Variants in SRP68 observed in about 807,000 individuals in gnomAD.
The protein encoded by SRP68 is signal recognition particle 68.
A neutral mutation model predicts 82.2 loss-of-function variants in SRP68; 15 were observed. That is an observed-to-expected ratio of 0.18 (90% CI 0.12 to 0.28). The LOEUF (loss-of-function observed/expected upper bound fraction) is 0.28, where lower values mean the gene tolerates loss of function less well. Ranked by LOEUF, SRP68 falls within the 10% of genes least tolerant of loss-of-function variation. SRP68 has a pLI of 1.00. For missense variants in SRP68, 595 were observed against 780.5 expected (o/e 0.76, Z 2.83); for synonymous variants, 261 against 292.6 (o/e 0.89, Z 1.10).
At position 76,061,006 on chromosome 17, in the gene SRP68, G is replaced by A. The variant is rs540248679; in HGVS notation, c.754+104C>T. 39 of 765,796 alleles carry A rather than the reference G, an allele frequency of 5.1e-5. No homozygotes were observed. In the African/African-American group the frequency reaches 5.7e-4, roughly 11 times the overall value. 47.4% of individuals were successfully genotyped at this position (765,796 alleles called of 1,614,324 possible). Reference sequence around the variant, plus strand: ...ACTCAGGTCAATGATGGAGGCAAGCGAAGAAGAAAGTTACATCAACTCTCT... The same window carrying A: ...ACTCAGGTCAATGATGGAGGCAAGCAAAGAAGAAAGTTACATCAACTCTCT... On this transcript the variant is annotated intron_variant, in intron 6 of 15. Transcript: ENST00000307877.
At chr17:76,040,723 G>C (rs2066583277) in intron 14 of SRP68, 180 bp downstream of exon 14, 4 of 672,826 alleles carry the variant, frequency 5.9e-6, no homozygotes, top group Non-Finnish European at 1.0e-5. Flanking sequence ...CAGTGTAACA[G>C]TGCACTCGAA....
chr17:76,053,053 G>C (rs1381963279), intron 8 of SRP68, among the ~76,000 whole-genome samples: 4 of 151,950 alleles, frequency 2.6e-5, no homozygotes, highest in South Asian at 4.2e-4. Context: ...CTTGAGTCCA[G>C]GAGTTTGAGA....
At chr17:76,058,473 G>C (rs958981168) in intron 7 of SRP68, among the ~76,000 whole-genome samples, 3 of 151,722 alleles carry the variant, frequency 2.0e-5, no homozygotes, top group Non-Finnish European at 4.4e-5. Context: ...TGCCCCGGCT[G>C]GTCTTGAACT....
chr17:76,061,273 T>G, intron 5 of SRP68, 54 bp from the exon 6 acceptor site: 1 of 1,281,744 alleles, frequency 7.8e-7, no homozygotes, highest in Non-Finnish European at 1.1e-6. Flanking sequence ...GAAAAACTCA[T>G]GGGGAACACA....
chr17:76,046,480 A>AC (rs35311058), intron 10 of SRP68, among the ~76,000 whole-genome samples: 75,506 of 146,444 alleles, frequency 0.52, 21,679 homozygotes, highest in African/African-American at 0.77. Context: ...AAAAAAAAAA[A>AC]AAAACAAAAA....
intron 4 of SRP68, among the ~76,000 whole-genome samples, chr17:76,062,501 A>ATATATATAATATACAT (rs1567934597): frequency 3.1e-5 from 3 of 95,424 alleles, no homozygotes; most frequent in African/African-American, 1.5e-4. Flanking sequence ...TATATATAAT[A>ATATATATAATATACAT]TATATATAAT....
intron 8 of SRP68, among the ~76,000 whole-genome samples, chr17:76,055,509 A>C (rs2066706719): frequency 6.6e-6 from 1 of 151,726 alleles, no homozygotes; most frequent in Non-Finnish European, 1.5e-5. Context: ...TAATTCCAGC[A>C]CTTTGGGAGG....
In SRP68 at chr17:76,048,040, T is replaced by C. The variant is rs187557956; in HGVS notation, c.1078-70A>G. 1.3e-4 allele frequency: 136 copies of C among 1,051,220 alleles called. 1 individual carries two copies. In the East Asian group the frequency reaches 3.5e-3, roughly 27 times the overall value. 65.1% of individuals were successfully genotyped at this position (1,051,220 alleles called of 1,614,324 possible). A position where few individuals can be genotyped will look rare whatever the true frequency, so the allele number is the denominator to read the frequency against. On this transcript the variant is annotated intron_variant, in intron 9 of 15. Coordinates refer to ENST00000307877, the MANE Select transcript of SRP68 (RefSeq NM_014230.4). ...CCATCGCTCTGACCACCTCATGGAATGGTGGGGTCTCCAAAGTGCCCTGAA... is the reference window on the plus strand; with the variant it reads ...CCATCGCTCTGACCACCTCATGGAACGGTGGGGTCTCCAAAGTGCCCTGAA...
chr17:76,044,212 G>T (rs2305345), intron 12 of SRP68, among the ~76,000 whole-genome samples: 32,311 of 152,118 alleles, frequency 0.21, 4,419 homozygotes, highest in South Asian at 0.44. Flanking sequence ...ACTCTGCAGA[G>T]GAGGAACAGT....
chr17:76,064,277 C>T lies in SRP68; in HGVS notation c.366-106G>A, dbSNP rs1413030195. ...TCGGCTTTTCTTTATACTCTCCCGC[C>T]TTTGCCACTCTCAAAACAACTCTTC... On this transcript the variant is annotated intron_variant, in intron 3 of 15. Transcript: ENST00000307877. 3.2e-6 allele frequency: 3 copies of T among 933,670 alleles called. No homozygotes were observed. The East Asian group carries it at 7.3e-5, about 23-fold the overall frequency. 57.8% of individuals were successfully genotyped at this position (933,670 alleles called of 1,614,324 possible). A position where few individuals can be genotyped will look rare whatever the true frequency, so the allele number is the denominator to read the frequency against.
At position 76,064,253 on chromosome 17, in the gene SRP68, C is replaced by T. The variant is rs545885715; in HGVS notation, c.366-82G>A. 150 of 1,307,938 alleles carry T rather than the reference C, an allele frequency of 1.1e-4. 1 individual carries two copies. Among genetic ancestry groups the T allele is most frequent in the South Asian group, 9.5e-4 (69 of 72,780 alleles). The allele number at this position is 1,307,938 out of a possible 1,614,324, so 81.0% of individuals were successfully genotyped here. Reference sequence around the variant, plus strand: ...CTCTGAGGTGTAATCTTCGGCTTCTCGGCTTTTCTTTATACTCTCCCGCCT... The same window carrying T: ...CTCTGAGGTGTAATCTTCGGCTTCTTGGCTTTTCTTTATACTCTCCCGCCT... On this transcript the variant is annotated intron_variant, in intron 3 of 15. Coordinates refer to ENST00000307877, the MANE Select transcript of SRP68 (RefSeq NM_014230.4).
Position 76,062,495 on chromosome 17 carries a change from T to C in SRP68, c.562-921A>G, listed in dbSNP as rs528709495. ...AACAAAGAATATGGAGATATATATA[T>C]ATAATATATATATAATATACATTAT... On this transcript the variant is annotated intron_variant, in intron 4 of 15. Transcript: ENST00000307877. Among the ~76,000 whole-genome samples, 123 of 99,084 alleles carry C rather than the reference T, an allele frequency of 1.2e-3. 1 individual carries two copies. The highest frequency in any genetic ancestry group is 3.9e-3 in the Admixed American group (25 of 6,488). 65.0% of individuals were successfully genotyped at this position (99,084 alleles called of 152,430 possible).
chr17:76,067,875 T>A (rs79340300), intron 2 of SRP68, among the ~76,000 whole-genome samples: 1 of 152,134 alleles, frequency 6.6e-6, no homozygotes, highest in South Asian at 2.1e-4. Flanking sequence ...CACATTAAAA[T>A]TGAGTAGAAT....
At chr17:76,040,178 G>A (rs1383975311) in intron 15 of SRP68, among the ~76,000 whole-genome samples, 3 of 152,202 alleles carry the variant, frequency 2.0e-5, no homozygotes, top group Non-Finnish European at 4.4e-5. Flanking sequence ...GCCATGTTAC[G>A]AGTTAGAGCT....
intron 7 of SRP68, among the ~76,000 whole-genome samples, chr17:76,059,868 G>A (rs1238266311): frequency 6.6e-6 from 1 of 151,286 alleles, no homozygotes; most frequent in Non-Finnish European, 1.5e-5. Flanking sequence ...GCTCATGCCT[G>A]TAATCCCAGC....
At chr17:76,062,557 C>A (rs1222250061) in intron 4 of SRP68, among the ~76,000 whole-genome samples, 2 of 51,984 alleles carry the variant, frequency 3.8e-5, no homozygotes, top group African/African-American at 2.2e-4. Flanking sequence ...ATATAATATA[C>A]ATTATATATT....
chr17:76,072,083 A>T lies in SRP68; in HGVS notation c.184+225T>A. 1 of 803,782 alleles carries T rather than the reference A, an allele frequency of 1.2e-6. No homozygotes were observed. The highest frequency in any genetic ancestry group is 1.9e-6 in the Non-Finnish European group (1 of 528,514). 49.8% of individuals were successfully genotyped at this position (803,782 alleles called of 1,614,324 possible). ...GAAACCTGCCTGATATCCCAGTGCC[A>T]CTGGAAGAAACGGACCTAGCCAGGA... On this transcript the variant is annotated intron_variant, in intron 1 of 15. Transcript: ENST00000307877. The surrounding 1 kb of genome is among the most constrained non-coding windows in gnomAD (Gnocchi z 4.5).
At chr17:76,040,580 A>T (rs1221082429) in intron 14 of SRP68, 106 bp from the exon 15 acceptor site, 1 of 1,125,836 alleles carries the variant, frequency 8.9e-7, no homozygotes, top group Non-Finnish European at 1.3e-6. Flanking sequence ...AAGCAAAAGG[A>T]GCCAGCATGT....
intron 2 of SRP68, among the ~76,000 whole-genome samples, chr17:76,068,109 T>C (rs1001288804): frequency 6.6e-6 from 1 of 152,014 alleles, no homozygotes; most frequent in Non-Finnish European, 1.5e-5. Flanking sequence ...CTGCCCAACA[T>C]GCAGAAACCC....
Sources: allele counts gnomAD v4.1 joint callset (sites outside exome capture counted in the v4.1 genomes callset), GRCh38; gene constraint gnomAD v4.1.1; non-coding constraint Gnocchi (gnomAD v3.1); transcripts MANE v1.5; gene names NCBI Gene and HGNC (gene_info 2026-07-23, HGNC 2026-07-21).